The following SLC39A11 variants were observed in gnomAD, a reference collection of about 807,000 sequenced individuals.
SLC39A11 encodes solute carrier family 39 member 11, also known as zinc transporter ZIP11.
A neutral mutation model predicts 36.1 loss-of-function variants in SLC39A11; 33 were observed. The observed-to-expected ratio is 0.91, with a 90% confidence interval of 0.69 to 1.22. SLC39A11 has a LOEUF of 1.22. Among genes scored for constraint, SLC39A11 ranks in the 50% most tolerant of loss-of-function variants. SLC39A11 has a pLI of 0.00. For missense variants in SLC39A11, 432 were observed against 430.3 expected, an observed-to-expected ratio of 1.00 and a Z score of -0.03; for synonymous variants, 166 against 170.3, an observed-to-expected ratio of 0.97 and a Z score of 0.20.
chr17:72,921,962 A>T (rs1032224420), intron 5 of SLC39A11, among the ~76,000 whole-genome samples: 2 of 152,242 alleles, frequency 1.3e-5, no homozygotes, highest in Non-Finnish European at 2.9e-5. Flanking sequence ...TACATATGTT[A>T]TCTGAGTCCT....
In SLC39A11 at chr17:72,852,204, CAAAAAAAAAAA is replaced by C. The variant is rs1167034424; in HGVS notation, c.431-2411_431-2401del. Among the ~76,000 whole-genome samples, 33 of 39,912 alleles carry C rather than the reference CAAAAAAAAAAA, an allele frequency of 8.3e-4. 1 individual carries two copies. Among genetic ancestry groups the C allele is most frequent in the Admixed American group, 8.9e-4 (2 of 2,248 alleles). The allele number at this position is 39,912 out of a possible 152,430, so 26.2% of individuals were successfully genotyped here. On this transcript the variant is annotated intron_variant, in intron 5 of 9. Transcript: ENST00000255559. The stretch of plus-strand genomic sequence containing the variant: ...TGGGCAACAGAGCAAGACTCCGTCT[CAAAAAAAAAAA>C]AAAAAAAAAAAAACAGAAAGAAAGA...
rs138756167 is a variant in SLC39A11 at position 72,859,165 on chromosome 17, ATCT to A, written c.431-9364_431-9362del. 2.7e-3 allele frequency among the ~76,000 whole-genome samples: 405 copies of A among 152,298 alleles called. 2 individuals are homozygous for A. Among genetic ancestry groups the A allele is most frequent in the African/African-American group, 9.2e-3 (383 of 41,572 alleles). On this transcript the variant is annotated intron_variant, in intron 5 of 9. Transcript: ENST00000255559. Reference sequence around the variant, plus strand: ...AAGAGGATGTACAAGAGCTTCTCTAATCTTCTTTCCCTCATAGCTTGGGAATTC... The same window carrying A: ...AAGAGGATGTACAAGAGCTTCTCTAATCTTTCCCTCATAGCTTGGGAATTC...
At chr17:73,087,269 G>A (rs2060766281) in intron 2 of SLC39A11, among the ~76,000 whole-genome samples, 1 of 151,550 alleles carries the variant, frequency 6.6e-6, no homozygotes, top group African/African-American at 2.4e-5. Context: ...CAACCCATCA[G>A]CTCCCGGGGG....
At chr17:73,035,833 C>G (rs1024578968) in intron 3 of SLC39A11, among the ~76,000 whole-genome samples, 27 of 131,592 alleles carry the variant, frequency 2.1e-4, no homozygotes, top group African/African-American at 8.2e-4. Flanking sequence ...TACTGCACTC[C>G]AGCCTGGGTG....
At chr17:73,017,336 C>T (rs760210010) in intron 4 of SLC39A11, among the ~76,000 whole-genome samples, 37 of 152,168 alleles carry the variant, frequency 2.4e-4, no homozygotes, top group Non-Finnish European at 4.9e-4. Flanking sequence ...GGGTGCACCA[C>T]GTTCACCTGA....
chr17:72,841,512 T>A (rs1269362360), intron 6 of SLC39A11, among the ~76,000 whole-genome samples: 2 of 151,804 alleles, frequency 1.3e-5, no homozygotes, highest in Non-Finnish European at 2.9e-5. Flanking sequence ...ATTGAACTCA[T>A]GGAGATAGAG....
At chr17:72,909,750 C>CTT (rs56091262) in intron 5 of SLC39A11, among the ~76,000 whole-genome samples, 36,946 of 144,210 alleles carry the variant, frequency 0.26, 5,484 homozygotes, top group Non-Finnish European at 0.34. Context: ...TTTCTTTTTT[C>CTT]TTTTTTTTTT....
At chr17:72,990,602 A>G (rs1315244288) in intron 4 of SLC39A11, among the ~76,000 whole-genome samples, 5 of 151,918 alleles carry the variant, frequency 3.3e-5, no homozygotes, top group African/African-American at 1.2e-4. Context: ...TTTTTTTTGT[A>G]TTTTTAGTAG....
intron 7 of SLC39A11, among the ~76,000 whole-genome samples, chr17:72,708,883 T>C (rs1386114066): frequency 6.6e-6 from 1 of 152,232 alleles, no homozygotes; most frequent in Non-Finnish European, 1.5e-5. Context: ...TCATAACGCA[T>C]GAACTTTGCC....
At chr17:72,835,271 C>T (rs1223171436) in intron 6 of SLC39A11, among the ~76,000 whole-genome samples, 1 of 152,118 alleles carries the variant, frequency 6.6e-6, no homozygotes, top group Non-Finnish European at 1.5e-5. Flanking sequence ...TCAAATGTAA[C>T]CTGTTGGAGA....
At chr17:72,916,946 C>T (rs552681406) in intron 5 of SLC39A11, among the ~76,000 whole-genome samples, 27 of 152,206 alleles carry the variant, frequency 1.8e-4, no homozygotes, top group Non-Finnish European at 3.1e-4. Flanking sequence ...GCAATTCATA[C>T]ACTTCTGAAA....
At chr17:73,025,981 G>A (rs924459824) in intron 4 of SLC39A11, among the ~76,000 whole-genome samples, 2 of 151,136 alleles carry the variant, frequency 1.3e-5, no homozygotes, top group Admixed American at 1.3e-4. Flanking sequence ...AGCCAGGTGC[G>A]GTGGCAGGTG....
intron 6 of SLC39A11, among the ~76,000 whole-genome samples, chr17:72,771,694 C>T (rs916985534): frequency 2.6e-5 from 4 of 152,168 alleles, no homozygotes; most frequent in African/African-American, 7.2e-5. Context: ...TCATCAGCCA[C>T]GCTGAGGCCA....
Position 72,754,824 on chromosome 17 carries a change from G to A in SLC39A11, c.602-18105C>T, listed in dbSNP as rs112280966. Among the ~76,000 whole-genome samples, 1,114 of 152,276 alleles carry A rather than the reference G, an allele frequency of 7.3e-3. 15 individuals carry two copies. The highest frequency in any genetic ancestry group is 0.025 in the African/African-American group (1,045 of 41,548). On this transcript the variant is annotated intron_variant, in intron 6 of 9. Transcript: ENST00000255559. ...CAGACACGTACACGAATGCAGTGATGGTGTGAGCAAAAGGGAGTGTGCACA... is the reference window on the plus strand; with the variant it reads ...CAGACACGTACACGAATGCAGTGATAGTGTGAGCAAAAGGGAGTGTGCACA...
At position 72,848,101 on chromosome 17, in the gene SLC39A11, C is replaced by T. The variant is rs2079133674; in HGVS notation, c.601+1533G>A. On this transcript the variant is annotated intron_variant, in intron 6 of 9. Coordinates refer to ENST00000255559, the MANE Select transcript of SLC39A11 (RefSeq NM_139177.4). ...CAACAATGCGCTCGTAAGTCCCAAG[C>T]ACTGTACTGAAAGCTGTATGTATAT... 1.3e-5 allele frequency among the ~76,000 whole-genome samples: 2 copies of T among 152,220 alleles called. 1 individual carries two copies. The highest frequency in any genetic ancestry group is 4.1e-4 in the South Asian group (2 of 4,830).
At chr17:72,736,588 C>G in intron 7 of SLC39A11, 62 bp downstream of exon 7, 1 of 1,414,242 alleles carries the variant, frequency 7.1e-7, no homozygotes. Flanking sequence ...CCAGGTGACA[C>G]GCACACCCAG....
At chr17:72,935,106 G>T (rs1208746478) in intron 5 of SLC39A11, among the ~76,000 whole-genome samples, 1 of 152,154 alleles carries the variant, frequency 6.6e-6, no homozygotes, top group Admixed American at 6.5e-5. Context: ...GAAAAATCAG[G>T]AAACAACACA....
chr17:73,007,088 G>A lies in SLC39A11; in HGVS notation c.306+24468C>T, dbSNP rs80234358. 2.0e-5 allele frequency among the ~76,000 whole-genome samples: 3 copies of A among 152,278 alleles called. No homozygotes were observed. In the East Asian group the frequency reaches 5.8e-4, roughly 29 times the overall value. ...GCGACATGGGCAGCTAAGCAACCAC[G>A]CAGCACGGCGCTCAGTCAAGGGGCC... On this transcript the variant is annotated intron_variant, in intron 4 of 9. Transcript: ENST00000255559.
chr17:72,727,209 G>A (rs2073963713), intron 7 of SLC39A11, among the ~76,000 whole-genome samples: 1 of 152,200 alleles, frequency 6.6e-6, no homozygotes, highest in African/African-American at 2.4e-5. Context: ...GGAGCTGAGG[G>A]CATGTCTCCT....
Sources: allele counts gnomAD v4.1 joint callset (sites outside exome capture counted in the v4.1 genomes callset), GRCh38; gene constraint gnomAD v4.1.1; transcripts MANE v1.5; gene names NCBI Gene and HGNC (gene_info 2026-07-23, HGNC 2026-07-21).